The following ASTN2 variants were observed in gnomAD, a reference collection of about 807,000 sequenced individuals.
ASTN2 encodes the protein astrotactin 2.
Under a neutral mutation model 139.8 loss-of-function variants are expected in ASTN2, and 54 were observed. That is an observed-to-expected ratio of 0.39 (90% CI 0.31 to 0.48). The LOEUF is 0.48. Ranked by LOEUF, ASTN2 falls within the 20% of genes least tolerant of loss-of-function variation. The probability of loss-of-function intolerance (pLI) is 0.95; values close to 1 mark genes in which losing one functional copy is unlikely to be tolerated. For missense variants in ASTN2, 1,565 were observed against 1,725.1 expected (o/e 0.91, Z 1.64); for synonymous variants, 756 against 719.5 (o/e 1.05, Z -0.81).
chr9:116,697,707 T>C, intron 16 of ASTN2: 1 of 1,612,662 alleles, frequency 6.2e-7, no homozygotes, highest in Non-Finnish European at 8.5e-7. Flanking sequence ...TGTTCAGTTC[T>C]GAGCTGTGCT....
chr9:117,264,058 A>G (rs1435854330), intron 2 of ASTN2, among the ~76,000 whole-genome samples: 2 of 152,112 alleles, frequency 1.3e-5, no homozygotes, highest in Non-Finnish European at 2.9e-5. Flanking sequence ...AAATAAATAA[A>G]TATTTAAAAA....
At chr9:117,005,484 C>T (rs1673396043) in intron 7 of ASTN2, among the ~76,000 whole-genome samples, 1 of 152,118 alleles carries the variant, frequency 6.6e-6, no homozygotes, top group Admixed American at 6.6e-5. Context: ...CACTTCCTTC[C>T]AGTTCCTCAA....
chr9:117,210,953 G>GA (rs1189877118), intron 3 of ASTN2, among the ~76,000 whole-genome samples: 71 of 93,122 alleles, frequency 7.6e-4, no homozygotes, highest in Non-Finnish European at 1.2e-3. Flanking sequence ...TAGAATGATG[G>GA]AAAAAAAACC....
At chr9:116,936,507 G>A (rs1835088828) in intron 10 of ASTN2, among the ~76,000 whole-genome samples, 1 of 152,190 alleles carries the variant, frequency 6.6e-6, no homozygotes, top group African/African-American at 2.4e-5. Context: ...CGATCAGCAA[G>A]TGCTAGTACT....
intron 19 of ASTN2, among the ~76,000 whole-genome samples, chr9:116,530,908 T>C (rs2119287329): frequency 6.6e-6 from 1 of 152,302 alleles, no homozygotes; most frequent in East Asian, 1.9e-4. Flanking sequence ...ATTCCTTGAA[T>C]ACTCAGCACC....
intron 11 of ASTN2, among the ~76,000 whole-genome samples, chr9:116,835,284 C>T (rs1268541457): frequency 2.0e-5 from 3 of 152,048 alleles, no homozygotes; most frequent in South Asian, 4.2e-4. Context: ...GACTTACTTT[C>T]CAATCTGGCT....
intron 2 of ASTN2, among the ~76,000 whole-genome samples, chr9:117,236,724 T>A (rs1007803458): frequency 9.9e-5 from 15 of 152,212 alleles, no homozygotes; most frequent in Non-Finnish European, 1.9e-4. Flanking sequence ...CTCCCAGCTC[T>A]ACCATTGATC....
chr9:116,919,750 C>A (rs527656738), intron 10 of ASTN2, among the ~76,000 whole-genome samples: 2 of 148,704 alleles, frequency 1.3e-5, no homozygotes, highest in East Asian at 4.0e-4. Flanking sequence ...TTGAGACTAG[C>A]CTGGGCTACA....
intron 19 of ASTN2, among the ~76,000 whole-genome samples, chr9:116,554,068 G>C (rs953925274): frequency 6.6e-6 from 1 of 152,092 alleles, no homozygotes; most frequent in Non-Finnish European, 1.5e-5. Context: ...TTATAATTTA[G>C]CACAGATTAC....
At chr9:116,429,640 GTCA>G (rs1447564681) in intron 22 of ASTN2, among the ~76,000 whole-genome samples, 2 of 152,132 alleles carry the variant, frequency 1.3e-5, no homozygotes, top group Non-Finnish European at 2.9e-5. Context: ...CACTCTCATT[GTCA>G]TCATCATTAT....
chr9:116,529,208 G>C (rs73524114), intron 19 of ASTN2, among the ~76,000 whole-genome samples: 22 of 152,118 alleles, frequency 1.4e-4, no homozygotes, highest in African/African-American at 5.1e-4. Flanking sequence ...AGAGCCACAG[G>C]GATGGAGTAC....
intron 10 of ASTN2, among the ~76,000 whole-genome samples, chr9:116,882,840 A>AAG (rs1833486444): frequency 6.6e-6 from 1 of 151,928 alleles, no homozygotes; most frequent in South Asian, 2.1e-4. Context: ...AAAAAAAAAA[A>AAG]AAGTATTCAT....
At chr9:117,200,113 G>A (rs1186652020) in intron 3 of ASTN2, among the ~76,000 whole-genome samples, 1 of 150,634 alleles carries the variant, frequency 6.6e-6, no homozygotes, top group African/African-American at 2.4e-5. Flanking sequence ...TAAGTTTTAG[G>A]GTACATGTGC....
At chr9:116,769,228 T>C (rs149056702) in intron 13 of ASTN2, among the ~76,000 whole-genome samples, 1 of 152,188 alleles carries the variant, frequency 6.6e-6, no homozygotes, top group Non-Finnish European at 1.5e-5. Context: ...TTCAAATGAG[T>C]AAACAATGGT....
intron 10 of ASTN2, among the ~76,000 whole-genome samples, chr9:116,924,758 G>T (rs1834709792): frequency 6.6e-6 from 1 of 152,240 alleles, no homozygotes; most frequent in Non-Finnish European, 1.5e-5. Context: ...TGGCCATCTT[G>T]GTTTTGGTGG....
intron 2 of ASTN2, among the ~76,000 whole-genome samples, chr9:117,220,754 A>G (rs1051343511): frequency 6.6e-6 from 1 of 152,162 alleles, no homozygotes; most frequent in African/African-American, 2.4e-5. Flanking sequence ...CCATGAAAGA[A>G]TAAATTTCTC....
At chr9:116,858,295 GA>G (rs1277582058) in intron 11 of ASTN2, among the ~76,000 whole-genome samples, 2 of 152,186 alleles carry the variant, frequency 1.3e-5, no homozygotes, top group African/African-American at 4.8e-5. Flanking sequence ...CTGGAACCAG[GA>G]AAGTGAGCTA....
At chr9:116,697,713 G>C in intron 16 of ASTN2, 1 of 1,612,932 alleles carries the variant, frequency 6.2e-7, no homozygotes. Flanking sequence ...GTTCTGAGCT[G>C]TGCTAGCAAT....
At chr9:117,122,353 T>C (rs73657657) in intron 4 of ASTN2, among the ~76,000 whole-genome samples, 26,937 of 152,056 alleles carry the variant, frequency 0.18, 2,748 homozygotes, top group Non-Finnish European at 0.23. Context: ...GCTCAAGGGA[T>C]ACAAATAAAC....
Sources: gnomAD v4.1 joint callset for allele counts (sites outside exome capture counted in the v4.1 genomes callset) on GRCh38, gnomAD v4.1.1 for gene constraint, MANE v1.5 for transcripts, NCBI Gene and HGNC (gene_info 2026-07-23, HGNC 2026-07-21) for gene names.